SLC24A3: variants seen among roughly 807,000 people sequenced by gnomAD.
SLC24A3 encodes the protein sodium/potassium/calcium exchanger 3.
In SLC24A3, 28 loss-of-function variants were observed where a neutral mutation model predicts 75.8. The observed-to-expected ratio is 0.37, with a 90% CI of 0.27 to 0.51. The LOEUF is 0.51. SLC24A3 is among the 20% of genes least tolerant of loss of function. The pLI is 0.94. For missense variants in SLC24A3, 663 were observed against 847.8 expected (o/e 0.78, Z 2.71); for synonymous variants, 372 against 334.1 (o/e 1.11, Z -1.24).
intron 4 of SLC24A3, among the ~76,000 whole-genome samples, chr20:19,582,761 G>A (rs772097586): frequency 2.0e-5 from 3 of 152,232 alleles, no homozygotes; most frequent in Admixed American, 6.5e-5. Context: ...CAGCTGCACT[G>A]AGGCGGGAAG....
rs1177947672 is a variant in SLC24A3, at chr20:19,721,366, GACATCCA to G, written c.*234_*240del. 3 of 499,220 alleles carry G rather than the reference GACATCCA, an allele frequency of 6.0e-6. No homozygotes were observed. The East Asian group carries it at 9.8e-5, about 16-fold the overall frequency. 30.9% of individuals were successfully genotyped at this position (499,220 alleles called of 1,614,324 possible). A position where few individuals can be genotyped will look rare whatever the true frequency, so the allele number is the denominator to read the frequency against. Reference sequence around the variant, plus strand: ...CCCTTTCCTGCCTCCTCCGTGTGAAGACATCCAACATCCACGTGACTTTTCCAGCTCC... The same window carrying G: ...CCCTTTCCTGCCTCCTCCGTGTGAAGACATCCACGTGACTTTTCCAGCTCC... On this transcript the variant is annotated 3_prime_UTR_variant, in exon 17 of 17. Coordinates refer to ENST00000328041, the MANE Select transcript of SLC24A3 (RefSeq NM_020689.4).
chr20:19,423,523 G>A (rs985114291), intron 2 of SLC24A3, among the ~76,000 whole-genome samples: 2 of 152,182 alleles, frequency 1.3e-5, no homozygotes, highest in African/African-American at 4.8e-5. Flanking sequence ...AGCAGCAGGA[G>A]GGTTTGCAGA....
intron 6 of SLC24A3, among the ~76,000 whole-genome samples, chr20:19,607,247 T>G (rs2031608985): frequency 6.6e-6 from 1 of 152,126 alleles, no homozygotes; most frequent in South Asian, 2.1e-4. Context: ...TATGGAATGC[T>G]TTCTTCCTCC....
At chr20:19,682,901 A>AT (rs1483441974) in intron 10 of SLC24A3, among the ~76,000 whole-genome samples, 1 of 152,084 alleles carries the variant, frequency 6.6e-6, no homozygotes, top group African/African-American at 2.4e-5. Flanking sequence ...AATATATAAT[A>AT]TTTTTTCTAA....
chr20:19,698,753 G>A (rs1450879007), intron 15 of SLC24A3, 73 bp downstream of exon 15: 2 of 1,185,254 alleles, frequency 1.7e-6, no homozygotes, highest in African/African-American at 1.5e-5. Flanking sequence ...CTTGGCCACA[G>A]GGTCTTTGTC....
At chr20:19,436,245 G>A (rs551415544) in intron 2 of SLC24A3, among the ~76,000 whole-genome samples, 17 of 152,018 alleles carry the variant, frequency 1.1e-4, no homozygotes, top group Non-Finnish European at 1.9e-4. Context: ...TAATTGACCC[G>A]TCCTTTTTCA....
intron 1 of SLC24A3, among the ~76,000 whole-genome samples, chr20:19,241,031 A>C (rs1982312508): frequency 6.6e-6 from 1 of 152,176 alleles, no homozygotes; most frequent in East Asian, 1.9e-4. Context: ...CACCTCTCTC[A>C]GCCTGTCCCG....
Position 19,540,775 on chromosome 20 carries a change from C to A in SLC24A3, c.348+25211C>A, listed in dbSNP as rs563621747. 2.6e-5 allele frequency among the ~76,000 whole-genome samples: 4 copies of A among 152,254 alleles called. No homozygotes were observed. The South Asian group carries it at 6.2e-4, about 24-fold the overall frequency. On this transcript the variant is annotated intron_variant, in intron 3 of 16. Coordinates refer to ENST00000328041, the MANE Select transcript of SLC24A3 (RefSeq NM_020689.4). Reference sequence around the variant, plus strand: ...TATTTCCAGCAATGGAAAGGGAAGTCGAGAGGAAAAAACCAAAACATTTCC... The same window carrying A: ...TATTTCCAGCAATGGAAAGGGAAGTAGAGAGGAAAAAACCAAAACATTTCC...
chr20:19,571,026 T>C (rs1461213014), intron 3 of SLC24A3, among the ~76,000 whole-genome samples: 1 of 152,064 alleles, frequency 6.6e-6, no homozygotes, highest in Non-Finnish European at 1.5e-5. Flanking sequence ...AGCAGGCTTG[T>C]CCTCTTCCTG....
chr20:19,432,679 G>T (rs1048057757), intron 2 of SLC24A3, among the ~76,000 whole-genome samples: 2 of 152,216 alleles, frequency 1.3e-5, no homozygotes, highest in Non-Finnish European at 2.9e-5. Flanking sequence ...GCGGAGACTG[G>T]CTCAGCTGTG....
chr20:19,420,477 C>T (rs1347879272), intron 2 of SLC24A3, among the ~76,000 whole-genome samples: 1 of 147,446 alleles, frequency 6.8e-6, no homozygotes, highest in Admixed American at 6.9e-5. Flanking sequence ...TCTCCACATC[C>T]TCTCCAGCAC....
At chr20:19,335,500 C>A (rs760421331) in intron 2 of SLC24A3, among the ~76,000 whole-genome samples, 1 of 152,194 alleles carries the variant, frequency 6.6e-6, no homozygotes, top group Non-Finnish European at 1.5e-5. Context: ...GGAATTCATT[C>A]CTGTAGGACT....
chr20:19,623,361 C>G (rs1217778496), intron 6 of SLC24A3, among the ~76,000 whole-genome samples: 1 of 152,206 alleles, frequency 6.6e-6, no homozygotes, highest in Non-Finnish European at 1.5e-5. Context: ...TCACCACCAG[C>G]AGCAAGCATG....
At chr20:19,319,270 T>A (rs1984653366) in intron 2 of SLC24A3, among the ~76,000 whole-genome samples, 1 of 152,196 alleles carries the variant, frequency 6.6e-6, no homozygotes, top group South Asian at 2.1e-4. Flanking sequence ...TAAATATGCA[T>A]GTGTGTTTAT....
intron 1 of SLC24A3, among the ~76,000 whole-genome samples, chr20:19,275,388 A>C (rs948369827): frequency 2.0e-5 from 3 of 152,206 alleles, no homozygotes; most frequent in African/African-American, 7.2e-5. Context: ...ATGATGCAGC[A>C]AACTTCCTCA....
rs577920019 is a variant in SLC24A3 at position 19,440,203 on chromosome 20, G to A, written c.272-75285G>A. Among the ~76,000 whole-genome samples the A allele has an allele frequency of 4.6e-5, 7 of 152,320 alleles. No individual in the cohort carries two copies. The East Asian group carries it at 1.3e-3, about 29-fold the overall frequency. The stretch of plus-strand genomic sequence containing the variant: ...GATATCCAATGTAAATTTAAGAGCA[G>A]CACCACAGCCTGTACTTCACTTTGA... On this transcript the variant is annotated intron_variant, in intron 2 of 16. Transcript: ENST00000328041.
At chr20:19,349,965 C>A (rs1357421226) in intron 2 of SLC24A3, among the ~76,000 whole-genome samples, 2 of 152,208 alleles carry the variant, frequency 1.3e-5, no homozygotes, top group Non-Finnish European at 1.5e-5. Context: ...TGTCACAAGA[C>A]TAATCCTTGT....
intron 2 of SLC24A3, among the ~76,000 whole-genome samples, chr20:19,364,919 A>C (rs1985861242): frequency 6.6e-6 from 1 of 152,184 alleles, no homozygotes; most frequent in Non-Finnish European, 1.5e-5. Flanking sequence ...GGAGAAATGA[A>C]AGGAAGAAAG....
At chr20:19,333,404 C>G (rs1199991761) in intron 2 of SLC24A3, among the ~76,000 whole-genome samples, 1 of 152,074 alleles carries the variant, frequency 6.6e-6, no homozygotes, top group Non-Finnish European at 1.5e-5. Context: ...CTTCAGTGGC[C>G]CCAGCAGATG....
Sources: allele counts gnomAD v4.1 joint callset (sites outside exome capture counted in the v4.1 genomes callset), GRCh38; gene constraint gnomAD v4.1.1; transcripts MANE v1.5; gene names NCBI Gene and HGNC (gene_info 2026-07-23, HGNC 2026-07-21).